The following MACROD1 variants were observed in gnomAD, a reference collection of about 807,000 sequenced individuals.
The protein encoded by MACROD1 is mono-ADP ribosylhydrolase 1.
In MACROD1, 31 loss-of-function variants were observed where a neutral mutation model predicts 41.4. The ratio of observed to expected loss-of-function variants is 0.75; its 90% CI spans 0.56 to 1.01. The LOEUF (loss-of-function observed/expected upper bound fraction) is 1.01, where lower values mean the gene tolerates loss of function less well. Among genes scored for constraint, MACROD1 ranks in the 50% least tolerant of loss-of-function variants. The probability of loss-of-function intolerance (pLI) is 0.00; values close to 1 mark genes in which losing one functional copy is unlikely to be tolerated. For synonymous variants in MACROD1, 252 were observed against 203.4 expected (o/e 1.24, Z -2.03); for missense variants, 473 against 460.0 (o/e 1.03, Z -0.26).
At chr11:64,041,857 C>T (rs890339395) in intron 3 of MACROD1, among the ~76,000 whole-genome samples, 6 of 152,146 alleles carry the variant, frequency 3.9e-5, no homozygotes, top group Admixed American at 1.3e-4. Context: ...CAGAGGGTCA[C>T]GGGAGTTTCA....
chr11:64,130,014 C>T (rs1299212938), intron 3 of MACROD1, among the ~76,000 whole-genome samples: 1 of 152,158 alleles, frequency 6.6e-6, no homozygotes, highest in Non-Finnish European at 1.5e-5. Flanking sequence ...TGCAGGGGAC[C>T]TGCTGGCCCC....
At chr11:64,113,666 CATGG>C (rs909249854) in intron 3 of MACROD1, among the ~76,000 whole-genome samples, 1 of 95,238 alleles carries the variant, frequency 1.0e-5, no homozygotes. Context: ...CAGGTGGATG[CATGG>C]ATGGATGGAT....
intron 1 of MACROD1, among the ~76,000 whole-genome samples, chr11:64,159,320 GAAAAAAAA>G (rs34061690): frequency 9.6e-6 from 1 of 104,020 alleles, no homozygotes; most frequent in African/African-American, 3.7e-5. Flanking sequence ...CTCCGTCTCA[GAAAAAAAA>G]AAAAAAAAAA....
At chr11:64,092,045 A>C (rs1393935824) in intron 3 of MACROD1, among the ~76,000 whole-genome samples, 1 of 152,086 alleles carries the variant, frequency 6.6e-6, no homozygotes, top group Non-Finnish European at 1.5e-5. Flanking sequence ...GGTCCCAAAA[A>C]ACAATCCTCC....
chr11:64,061,968 C>T (rs551153722), intron 3 of MACROD1, among the ~76,000 whole-genome samples: 1 of 147,670 alleles, frequency 6.8e-6, no homozygotes, highest in East Asian at 2.0e-4. Flanking sequence ...CCATGCCACC[C>T]CCACCCCCCT....
At chr11:64,033,897 T>C (rs763214130) in intron 3 of MACROD1, among the ~76,000 whole-genome samples, 16 of 152,116 alleles carry the variant, frequency 1.1e-4, no homozygotes, top group Non-Finnish European at 2.2e-4. Flanking sequence ...AAACTCCTGG[T>C]CTCAAGCAAT....
intron 3 of MACROD1, among the ~76,000 whole-genome samples, chr11:64,093,705 G>A (rs1944529620): frequency 6.6e-6 from 1 of 152,170 alleles, no homozygotes; most frequent in Non-Finnish European, 1.5e-5. Context: ...CATGGCCAAG[G>A]TCACTCCCCA....
At chr11:64,000,552 G>C (rs1002621150) in intron 4 of MACROD1, among the ~76,000 whole-genome samples, 2 of 151,698 alleles carry the variant, frequency 1.3e-5, no homozygotes, top group African/African-American at 4.8e-5. Flanking sequence ...GGACGGCCCT[G>C]GGCCTGGCGG....
At chr11:64,145,689 C>T (rs984365052) in intron 3 of MACROD1, among the ~76,000 whole-genome samples, 15 of 152,226 alleles carry the variant, frequency 9.9e-5, no homozygotes, top group Non-Finnish European at 1.6e-4. Context: ...AGCCTTTCAT[C>T]CATCTCTGCC....
At chr11:64,103,025 T>C (rs2622412) in intron 3 of MACROD1, among the ~76,000 whole-genome samples, 146,309 of 151,602 alleles carry the variant, frequency 0.97, 70,820 homozygotes, top group Middle Eastern at 1. Flanking sequence ...GAGCCGAGAT[T>C]GTGCCACTGC....
chr11:64,080,198 A>G (rs1590878629), intron 3 of MACROD1, among the ~76,000 whole-genome samples: 4 of 152,112 alleles, frequency 2.6e-5, no homozygotes, highest in Admixed American at 2.6e-4. Context: ...TTTTTAGTAG[A>G]GACGGGGTAT....
chr11:64,152,024 G>A (rs1945586889), intron 2 of MACROD1, among the ~76,000 whole-genome samples: 1 of 152,202 alleles, frequency 6.6e-6, no homozygotes, highest in Admixed American at 6.5e-5. Context: ...AGCTACTCAG[G>A]AGGCTGAGGC....
intron 3 of MACROD1, among the ~76,000 whole-genome samples, chr11:64,083,315 A>C (rs1944335643): frequency 6.6e-6 from 1 of 152,198 alleles, no homozygotes; most frequent in South Asian, 2.1e-4. Context: ...GGGCACCTAT[A>C]GTCCCAGCTA....
At chr11:64,165,200 C>G (rs982904938) in intron 1 of MACROD1, among the ~76,000 whole-genome samples, 1 of 152,212 alleles carries the variant, frequency 6.6e-6, no homozygotes, top group Non-Finnish European at 1.5e-5. Flanking sequence ...CGTGCCCCAC[C>G]AGGTGGGACG....
intron 3 of MACROD1, among the ~76,000 whole-genome samples, chr11:64,052,591 G>A (rs1054226585): frequency 1.3e-5 from 2 of 152,218 alleles, no homozygotes; most frequent in African/African-American, 4.8e-5. Flanking sequence ...TGGCAGACAT[G>A]GCTAATCAAT....
intron 4 of MACROD1, among the ~76,000 whole-genome samples, chr11:64,007,745 A>G (rs749576626): frequency 1.2e-4 from 18 of 152,082 alleles, no homozygotes; most frequent in Non-Finnish European, 2.4e-4. Flanking sequence ...GCCCCACGCC[A>G]GAGGGTCCCG....
chr11:64,138,154 A>G (rs376303011), intron 3 of MACROD1, among the ~76,000 whole-genome samples: 2 of 152,342 alleles, frequency 1.3e-5, no homozygotes, highest in South Asian at 4.1e-4. Flanking sequence ...AAGTGGCCAC[A>G]GCAGGACTTG....
At chr11:64,061,247 C>G (rs1943897435) in intron 3 of MACROD1, among the ~76,000 whole-genome samples, 1 of 152,250 alleles carries the variant, frequency 6.6e-6, no homozygotes. Flanking sequence ...CTGGCGATCA[C>G]GCGGTGTAAT....
chr11:64,159,260 A>T (rs1317616066), intron 1 of MACROD1, among the ~76,000 whole-genome samples: 1 of 150,254 alleles, frequency 6.7e-6, no homozygotes, highest in Middle Eastern at 3.2e-3. Flanking sequence ...CGGAGGTTGC[A>T]GCGAGCCGAG....
Sources: allele counts gnomAD v4.1 joint callset (sites outside exome capture counted in the v4.1 genomes callset), GRCh38; gene constraint gnomAD v4.1.1; transcripts MANE v1.5; gene names NCBI Gene and HGNC (gene_info 2026-07-23, HGNC 2026-07-21).